The following ESRRG variants were observed in gnomAD, a reference collection of about 807,000 sequenced individuals.
ESRRG encodes the protein estrogen related receptor gamma, also known as estrogen-related receptor gamma.
A neutral mutation model predicts 44.0 loss-of-function variants in ESRRG; 13 were observed. The ratio of observed to expected loss-of-function variants is 0.30; its 90% CI spans 0.19 to 0.47. The LOEUF is 0.47. Ranked by LOEUF, ESRRG falls within the 20% of genes least tolerant of loss-of-function variation. The pLI is 1.00. For missense variants in ESRRG, 395 were observed against 580.6 expected (o/e 0.68, Z 3.29); for synonymous variants, 215 against 214.6 (o/e 1.00, Z -0.02).
chr1:216,593,814 G>T, intron 3 of ESRRG, among the ~76,000 whole-genome samples: 1 of 152,104 alleles, frequency 6.6e-6, no homozygotes, highest in Non-Finnish European at 1.5e-5. Context: ...ATCATGGCTT[G>T]TTGCAGCCTC....
chr1:216,589,346 A>G (rs184303530), intron 3 of ESRRG, among the ~76,000 whole-genome samples: 16 of 152,312 alleles, frequency 1.1e-4, no homozygotes, highest in Admixed American at 7.2e-4. Context: ...AAAATTTCTT[A>G]AAACATTATG....
intron 2 of ESRRG, among the ~76,000 whole-genome samples, chr1:216,907,718 A>C (rs1197992487): frequency 6.6e-6 from 1 of 152,174 alleles, no homozygotes; most frequent in Non-Finnish European, 1.5e-5. Flanking sequence ...CTTTTTAAAG[A>C]GTGCATAATC....
intron 3 of ESRRG, among the ~76,000 whole-genome samples, chr1:216,576,494 G>A (rs1250795464): frequency 6.6e-6 from 1 of 151,996 alleles, no homozygotes; most frequent in Admixed American, 6.6e-5. Context: ...AAACATGTGA[G>A]GCTTGCATAG....
intron 1 of ESRRG, among the ~76,000 whole-genome samples, chr1:217,120,142 C>T (rs1364637359): frequency 7.2e-5 from 11 of 152,088 alleles, no homozygotes; most frequent in Non-Finnish European, 1.0e-4. Context: ...CAAGGCACCC[C>T]ACATTTAAAC....
chr1:217,049,707 G>A (rs1291828036), intron 1 of ESRRG, among the ~76,000 whole-genome samples: 1 of 152,164 alleles, frequency 6.6e-6, no homozygotes, highest in Non-Finnish European at 1.5e-5. Flanking sequence ...TTGGCCCATG[G>A]TTGCGGCCTG....
At chr1:216,783,713 A>G (rs1163770806) in intron 2 of ESRRG, among the ~76,000 whole-genome samples, 1 of 151,942 alleles carries the variant, frequency 6.6e-6, no homozygotes, top group Admixed American at 6.6e-5. Context: ...TTGGACCGTG[A>G]CAGTACTGCA....
At chr1:216,819,837 T>C (rs542314561) in intron 2 of ESRRG, among the ~76,000 whole-genome samples, 1 of 152,262 alleles carries the variant, frequency 6.6e-6, no homozygotes, top group Admixed American at 6.5e-5. Flanking sequence ...TTTTCCCACC[T>C]AAAACACTGA....
At chr1:217,133,625 CTT>C (rs1491504850) in intron 1 of ESRRG, among the ~76,000 whole-genome samples, 12 of 73,218 alleles carry the variant, frequency 1.6e-4, no homozygotes, top group African/African-American at 4.9e-4. Flanking sequence ...TTCTTTCTTT[CTT>C]TCTTTCTCTC....
chr1:216,564,724 G>A (rs928732426), intron 4 of ESRRG, among the ~76,000 whole-genome samples: 1 of 151,892 alleles, frequency 6.6e-6, no homozygotes, highest in Non-Finnish European at 1.5e-5. Context: ...AGTGGGATTT[G>A]GTGAAGTAGA....
At chr1:216,795,755 C>CAAAGA in intron 2 of ESRRG, among the ~76,000 whole-genome samples, 1 of 152,210 alleles carries the variant, frequency 6.6e-6, no homozygotes, top group Admixed American at 6.5e-5. Flanking sequence ...GTGATGTCTC[C>CAAAGA]TTCCTCTCAG....
chr1:217,037,068 A>G (rs993092767), intron 1 of ESRRG, among the ~76,000 whole-genome samples: 5 of 152,182 alleles, frequency 3.3e-5, no homozygotes, highest in African/African-American at 1.2e-4. Context: ...TAAAGGACTG[A>G]CAAGTGTCTC....
At chr1:216,617,030 T>G (rs1001236450) in intron 3 of ESRRG, among the ~76,000 whole-genome samples, 1 of 152,230 alleles carries the variant, frequency 6.6e-6, no homozygotes, top group African/African-American at 2.4e-5. Context: ...GTACTGCATC[T>G]GTCAGATGAC....
At chr1:216,569,126 AG>A (rs1396437841) in intron 3 of ESRRG, among the ~76,000 whole-genome samples, 1 of 114,710 alleles carries the variant, frequency 8.7e-6, no homozygotes, top group Admixed American at 8.8e-5. Flanking sequence ...GAAGGAAGGA[AG>A]GAAGGAAAGA....
intron 2 of ESRRG, among the ~76,000 whole-genome samples, chr1:216,787,761 C>A (rs918865580): frequency 1.3e-5 from 2 of 152,022 alleles, no homozygotes; most frequent in African/African-American, 2.4e-5. Context: ...AGGCTTCTTG[C>A]ACCAAATGGT....
intron 2 of ESRRG, among the ~76,000 whole-genome samples, chr1:216,878,585 C>T (rs2096393646): frequency 6.6e-6 from 1 of 152,110 alleles, no homozygotes; most frequent in Non-Finnish European, 1.5e-5. Flanking sequence ...TGGTAAGAGG[C>T]ATTAGGAAGA....
intron 1 of ESRRG, among the ~76,000 whole-genome samples, chr1:217,131,384 C>A (rs142763339): frequency 6.6e-6 from 1 of 151,672 alleles, no homozygotes; most frequent in Non-Finnish European, 1.5e-5. Flanking sequence ...AAAAAAATAT[C>A]TTCACTTTGA....
intron 1 of ESRRG, among the ~76,000 whole-genome samples, chr1:217,071,677 A>G (rs1182429385): frequency 6.6e-6 from 1 of 152,226 alleles, no homozygotes; most frequent in African/African-American, 2.4e-5. Flanking sequence ...TAGCTTGGAG[A>G]CAAAAACCTC....
chr1:216,702,281 T>TA (rs1215482581), intron 1 of ESRRG, among the ~76,000 whole-genome samples: 1 of 152,094 alleles, frequency 6.6e-6, no homozygotes, highest in African/African-American at 2.4e-5. Flanking sequence ...TCTCTAGTCT[T>TA]ATGAGAGAGG....
intron 2 of ESRRG, among the ~76,000 whole-genome samples, chr1:216,817,721 G>T (rs1185999876): frequency 2.0e-5 from 3 of 152,126 alleles, no homozygotes; most frequent in African/African-American, 4.8e-5. Flanking sequence ...GTAATAAATT[G>T]GTGGAAAATT....
Sources: allele counts gnomAD v4.1 joint callset (sites outside exome capture counted in the v4.1 genomes callset), GRCh38; gene constraint gnomAD v4.1.1; transcripts MANE v1.5; gene names NCBI Gene and HGNC (gene_info 2026-07-23, HGNC 2026-07-21).